The following ADGRE5 variants were observed in gnomAD, a reference collection of about 807,000 sequenced individuals.
ADGRE5 encodes CD97 molecule.
In ADGRE5, 72 loss-of-function variants were observed where a neutral mutation model predicts 100.3. That is an observed-to-expected ratio of 0.72 (90% confidence interval 0.59 to 0.87). The LOEUF (loss-of-function observed/expected upper bound fraction) is 0.87. Ranked by LOEUF, ADGRE5 falls within the 40% of genes least tolerant of loss-of-function variation. The probability of loss-of-function intolerance (pLI) is 0.00; values close to 1 mark genes in which losing one functional copy is unlikely to be tolerated. For synonymous variants in ADGRE5, 439 were observed against 447.8 expected (o/e 0.98, Z 0.25); for missense variants, 959 against 1,094.7 (o/e 0.88, Z 1.75).
In ADGRE5 at chr19:14,408,542, T is replaced by A. The variant is rs1976387078; in HGVS notation, c.*421T>A. 2.3e-6 allele frequency: 1 copy of A among 432,142 alleles called. No homozygotes were observed. Among genetic ancestry groups the A allele is most frequent in the Non-Finnish European group, 4.2e-6 (1 of 239,886 alleles). The allele number at this position is 432,142 out of a possible 1,614,324, so 26.8% of individuals were successfully genotyped here. A position where few individuals can be genotyped will look rare whatever the true frequency, so the allele number is the denominator to read the frequency against. On this transcript the variant is annotated 3_prime_UTR_variant, in exon 20 of 20. Coordinates refer to ENST00000242786, the MANE Select transcript of ADGRE5 (RefSeq NM_078481.4). ...CTTCCCTCTTAAGCTAAGACTGATG[T>A]CAGAGGCCCCATGGCGAGGCCCCTT...
In ADGRE5 at chr19:14,388,252, C is replaced by G. The variant is rs139791047; in HGVS notation, c.23-198C>G. 8.8e-4 allele frequency among the ~76,000 whole-genome samples: 133 copies of G among 151,784 alleles called. 2 individuals are homozygous for G. The highest frequency in any genetic ancestry group is 3.1e-3 in the African/African-American group (130 of 41,416). On this transcript the variant is annotated intron_variant, in intron 1 of 19. Coordinates refer to ENST00000242786, the MANE Select transcript of ADGRE5 (RefSeq NM_078481.4). ...CAAAAAAAAAACAAAAACAAAAAAACCCGCCCCTATGGGAACAGGGTGACA... is the reference window on the plus strand; with the variant it reads ...CAAAAAAAAAACAAAAACAAAAAAAGCCGCCCCTATGGGAACAGGGTGACA...
chr19:14,400,947 A>G (rs750029060), intron 9 of ADGRE5, among the ~76,000 whole-genome samples: 1 of 151,232 alleles, frequency 6.6e-6, no homozygotes, highest in East Asian at 1.9e-4. Context: ...CTCCATCTCA[A>G]AACAAAACAA....
chr19:14,389,172 A>C (rs1348618045), intron 3 of ADGRE5, among the ~76,000 whole-genome samples: 1 of 92,308 alleles, frequency 1.1e-5, no homozygotes, highest in Non-Finnish European at 2.2e-5. Context: ...GGGAAGAGGG[A>C]GAGGGGGAGA....
chr19:14,389,937 C>A (rs1394648214), intron 3 of ADGRE5, among the ~76,000 whole-genome samples: 2 of 149,272 alleles, frequency 1.3e-5, no homozygotes, highest in Non-Finnish European at 3.0e-5. Context: ...GTGTGGTGGC[C>A]CATGAGCACA....
intron 1 of ADGRE5, among the ~76,000 whole-genome samples, chr19:14,387,282 C>A (rs562731235): frequency 6.6e-6 from 1 of 152,196 alleles, no homozygotes; most frequent in South Asian, 2.1e-4. Context: ...GAGCTGAGAC[C>A]CCCACCAGGC....
At chr19:14,403,634 G>A (rs1050628960) in intron 12 of ADGRE5, among the ~76,000 whole-genome samples, 3 of 151,820 alleles carry the variant, frequency 2.0e-5, no homozygotes, top group South Asian at 2.1e-4. Flanking sequence ...GACTATAAGC[G>A]TGCACTACTA....
In ADGRE5 at chr19:14,402,664, C is replaced by T; in HGVS notation, c.1251C>T (p.Asn417=). The change falls in exon 12 of 20, where the codon AAC becomes AAT. Residue 417 remains asparagine (N), a synonymous_variant. Coordinates refer to ENST00000242786, the MANE Select transcript of ADGRE5 (RefSeq NM_078481.4). ...MTTLLANASL[N]LHSKKQAELE... ...CATTGCTGGCCAATGCCTCCTTGAA[C>T]CTGCATTCCAAGAAGCAAGCCGAAC... 2 of 1,614,114 alleles carry T rather than the reference C, an allele frequency of 1.2e-6. No individual in the cohort carries two copies. Among genetic ancestry groups the T allele is most frequent in the Non-Finnish European group, 1.7e-6 (2 of 1,179,986 alleles).
Position 14,404,454 on chromosome 19 carries a change from C to T in ADGRE5, c.1521C>T (p.His507=). The change falls in exon 13 of 20, where the codon CAC becomes CAT. Residue 507 remains histidine (H), a synonymous_variant. Coordinates refer to ENST00000242786, the MANE Select transcript of ADGRE5 (RefSeq NM_078481.4). The stretch of plus-strand genomic sequence containing the variant: ...AGAGTGACAGCGACAGGGGAGGGCA[C>T]TGGGCCACCGAGGGCTGCCAGGTGC... The part of the protein sequence containing the change: ...FWKSDSDRGG[H]WATEGCQVLG... 3 of 1,612,402 alleles carry T rather than the reference C, an allele frequency of 1.9e-6. No individual in the cohort carries two copies. The highest frequency in any genetic ancestry group is 2.5e-6 in the Non-Finnish European group (3 of 1,179,804).
chr19:14,384,461 C>T (rs1196487449), intron 1 of ADGRE5, among the ~76,000 whole-genome samples: 1 of 152,148 alleles, frequency 6.6e-6, no homozygotes, highest in Non-Finnish European at 1.5e-5. Context: ...GGAAGTGACT[C>T]ATGCCCAGCC....
At chr19:14,398,696 A>T (rs1427397082) in intron 9 of ADGRE5, among the ~76,000 whole-genome samples, 1 of 150,332 alleles carries the variant, frequency 6.7e-6, no homozygotes, top group African/African-American at 2.4e-5. Flanking sequence ...AAAAAAAAAA[A>T]AGAGCCTGGA....
At chr19:14,398,591 C>T (rs1029555824) in intron 9 of ADGRE5, among the ~76,000 whole-genome samples, 4 of 146,862 alleles carry the variant, frequency 2.7e-5, no homozygotes, top group Admixed American at 7.2e-5. Context: ...AGGACAATGA[C>T]GTGAACCTGG....
At chr19:14,404,323 G>C in intron 12 of ADGRE5, 60 bp from the exon 13 acceptor site, 2 of 1,516,728 alleles carry the variant, frequency 1.3e-6, no homozygotes, top group Non-Finnish European at 1.8e-6. Context: ...CTCAGCCCAA[G>C]CCCAGGACCT....
At chr19:14,407,637 C>G (rs1976321954) in intron 18 of ADGRE5, among the ~76,000 whole-genome samples, 1 of 130,886 alleles carries the variant, frequency 7.6e-6, no homozygotes, top group African/African-American at 3.5e-5. Context: ...AGACTTGTCT[C>G]CAAAAAAAAA....
Position 14,397,212 on chromosome 19 carries a change from C to A in ADGRE5, c.614C>A (p.Thr205Asn), listed in dbSNP as rs752581728. Reference protein sequence around the residue: ...IPGSPNGPNNTVCEDVDECSS... With the variant: ...IPGSPNGPNNNVCEDVDECSS... ...GGGTCCCCCAATGGCCCAAACAATACCGTCTGTGAAGGTCGAGAGCTCAGA... is the reference window on the plus strand; with the variant it reads ...GGGTCCCCCAATGGCCCAAACAATAACGTCTGTGAAGGTCGAGAGCTCAGA... Residue 205 changes from threonine (T) to asparagine (N), a missense_variant, in exon 6 of 20, where the codon ACC becomes AAC. Thr to Asn is a moderately conservative substitution (Grantham distance 65). Around this residue, in one of 6 missense-constraint regions of ADGRE5, gnomAD observed 83 missense variants for 88.8 expected, o/e 0.93. Coordinates refer to ENST00000242786, the MANE Select transcript of ADGRE5 (RefSeq NM_078481.4). 4.3e-6 allele frequency: 7 copies of A among 1,614,082 alleles called. No homozygotes were observed. The South Asian group carries it at 6.6e-5, about 15-fold the overall frequency.
At position 14,381,445 on chromosome 19, in the gene ADGRE5, C is replaced by T; in HGVS notation, c.-79C>T. 1 of 1,598,072 alleles carries T rather than the reference C, an allele frequency of 6.3e-7. No homozygotes were observed. The highest frequency in any genetic ancestry group is 8.5e-7 in the Non-Finnish European group (1 of 1,173,656). On this transcript the variant is annotated 5_prime_UTR_variant, in exon 1 of 20. Transcript: ENST00000242786. ...AGTCCTGGCCTCGGGACAGCCTGCACAGCTGCCTAGCCTGTGGAGACGGGA... is the reference window on the plus strand; with the variant it reads ...AGTCCTGGCCTCGGGACAGCCTGCATAGCTGCCTAGCCTGTGGAGACGGGA...
In ADGRE5 at chr19:14,401,737, T is replaced by C; in HGVS notation, c.1160T>C (p.Val387Ala). Reference sequence around the variant, plus strand: ...GCACGCATGAAGCTGAATTGGGCTGTGGCAGCTGGAGCCGAGGATCCAGGT... The same window carrying C: ...GCACGCATGAAGCTGAATTGGGCTGCGGCAGCTGGAGCCGAGGATCCAGGT... ...SSARMKLNWA[V>A]AAGAEDPGPA... Residue 387 changes from valine to alanine, a missense_variant, in exon 11 of 20, where the codon GTG becomes GCG. Val to Ala is a moderately conservative substitution (Grantham distance 64, BLOSUM62 0). This residue lies in a region of ADGRE5 where 246 missense variants were observed against 242.2 expected (regional missense o/e 1.02). Coordinates refer to ENST00000242786, the MANE Select transcript of ADGRE5 (RefSeq NM_078481.4). The surrounding 1 kb of genome is among the most constrained non-coding windows in gnomAD (Gnocchi z 4.1). 1 of 1,561,508 alleles carries C rather than the reference T, an allele frequency of 6.4e-7. No homozygotes were observed. The highest frequency in any genetic ancestry group is 2.0e-5 in the Admixed American group (1 of 51,018).
chr19:14,405,182 C>T (rs1242485177), intron 13 of ADGRE5: 6 of 152,648 alleles, frequency 3.9e-5, no homozygotes, highest in African/African-American at 1.2e-4. Flanking sequence ...CTTGCTCTAT[C>T]GCTTAGGCTG....
Position 14,406,767 on chromosome 19 carries a change from G to T in ADGRE5, c.2115+1G>T, listed in dbSNP as rs1434481290. The stretch of plus-strand genomic sequence containing the variant: ...GGGACCTGTGACCTTCATCATTTTG[G>T]TAAGTACCCACTCTCCCTCCACCGA... On this transcript the variant is annotated splice_donor_variant, in intron 16 of 19. Coordinates refer to ENST00000242786, the MANE Select transcript of ADGRE5 (RefSeq NM_078481.4). LOFTEE classifies it high-confidence loss of function. This position sits in a 1 kb window ranked among gnomAD's most constrained non-coding sequence, Gnocchi z 6.0. The T allele has an allele frequency of 2.5e-6, 4 of 1,613,996 alleles. No homozygotes were observed. Among genetic ancestry groups the T allele is most frequent in the Admixed American group, 1.7e-5 (1 of 60,010 alleles).
intron 4 of ADGRE5, among the ~76,000 whole-genome samples, chr19:14,391,853 T>A (rs1162918859): frequency 1.3e-5 from 2 of 151,986 alleles, no homozygotes; most frequent in Non-Finnish European, 2.9e-5. Context: ...ATCCCAACAC[T>A]TTGGGAGGCC....
Sources: allele counts gnomAD v4.1 joint callset (sites outside exome capture counted in the v4.1 genomes callset), GRCh38; gene constraint gnomAD v4.1.1; regional missense constraint gnomAD v4.1.1; non-coding constraint Gnocchi (gnomAD v3.1); transcripts MANE v1.5; gene names NCBI Gene and HGNC (gene_info 2026-07-23, HGNC 2026-07-21).